The following NPM2 variants were observed in gnomAD, a reference collection of about 807,000 sequenced individuals.
NPM2 encodes the protein nucleophosmin/nucleoplasmin 2.
Under a neutral mutation model 32.0 loss-of-function variants are expected in NPM2, and 25 were observed. The ratio of observed to expected loss-of-function variants is 0.78; its 90% CI spans 0.57 to 1.09. The LOEUF is 1.09. Ranked by LOEUF, NPM2 falls within the 50% of genes least tolerant of loss-of-function variation. The pLI is 0.00. For missense variants in NPM2, 282 were observed against 259.9 expected (o/e 1.08, Z -0.58); for synonymous variants, 111 against 94.2 (o/e 1.18, Z -1.04).
At chr8:22,025,625 C>T in intron 4 of NPM2, 22 bp from the exon 5 acceptor site, 2 of 1,614,138 alleles carry the variant, frequency 1.2e-6, no homozygotes, top group Non-Finnish European at 1.7e-6. Context: ...GATGAGGGGC[C>T]TCTATTTTCA....
chr8:22,030,977 T>A (rs1800420267), intron 5 of NPM2, among the ~76,000 whole-genome samples: 1 of 152,254 alleles, frequency 6.6e-6, no homozygotes, highest in Non-Finnish European at 1.5e-5. Context: ...TGAGCTCATC[T>A]TTAGTTTATT....
At chr8:22,027,962 GC>G (rs1350943608) in intron 5 of NPM2, among the ~76,000 whole-genome samples, 1 of 151,966 alleles carries the variant, frequency 6.6e-6, no homozygotes, top group Non-Finnish European at 1.5e-5. Flanking sequence ...TGTTGTCTCT[GC>G]CCCCATCTTA....
chr8:22,036,588 C>T, intron 9 of NPM2, 50 bp from the exon 10 acceptor site: 1 of 1,559,870 alleles, frequency 6.4e-7, no homozygotes, highest in Non-Finnish European at 8.7e-7. Context: ...AGGGGGCTGC[C>T]TGGTATGGAG....
intron 5 of NPM2, among the ~76,000 whole-genome samples, chr8:22,031,706 A>G (rs985751795): frequency 1.3e-5 from 2 of 152,180 alleles, no homozygotes; most frequent in Admixed American, 6.5e-5. Context: ...TTGGCCTCCC[A>G]AAGTGCTTGG....
Position 22,036,851 on chromosome 8 carries a change from A to T in NPM2, c.*169A>T. 1.6e-6 allele frequency: 1 copy of T among 643,628 alleles called. No individual in the cohort carries two copies. Among genetic ancestry groups the T allele is most frequent in the Non-Finnish European group, 2.6e-6 (1 of 390,100 alleles). 39.9% of individuals were successfully genotyped at this position (643,628 alleles called of 1,614,324 possible). A position where few individuals can be genotyped will look rare whatever the true frequency, so the allele number is the denominator to read the frequency against. ...AACTCTCCACTTTCAGGAGGCCCCCAGTGAAGAGCCCCACCTCGGGGTCAC... is the reference window on the plus strand; with the variant it reads ...AACTCTCCACTTTCAGGAGGCCCCCTGTGAAGAGCCCCACCTCGGGGTCAC... On this transcript the variant is annotated 3_prime_UTR_variant, in exon 10 of 10. Transcript: ENST00000518119.
intron 7 of NPM2, 83 bp from the exon 8 acceptor site, chr8:22,034,427 C>A: frequency 2.1e-6 from 3 of 1,418,644 alleles, no homozygotes; most frequent in Non-Finnish European, 3.0e-6. Context: ...AGGAGCTCAG[C>A]GGGGACCTTG....
intron 8 of NPM2, among the ~76,000 whole-genome samples, chr8:22,035,347 C>G (rs1270145248): frequency 6.6e-6 from 1 of 152,172 alleles, no homozygotes; most frequent in African/African-American, 2.4e-5. Flanking sequence ...AATCATGGCT[C>G]ACTGCAGCCT....
Position 22,036,683 on chromosome 8 carries a change from G to C in NPM2, c.*1G>C, listed in dbSNP as rs1174133706. On this transcript the variant is annotated 3_prime_UTR_variant, in exon 10 of 10. Coordinates refer to ENST00000518119, the MANE Select transcript of NPM2 (RefSeq NM_001286680.2). The stretch of plus-strand genomic sequence containing the variant: ...CAAGAAGCCAGGATTCAAGAAATGA[G>C]GAGCCACGCCTTGGGGGGCACGGTG... The C allele has an allele frequency of 6.5e-7, 1 of 1,546,906 alleles. No individual in the cohort carries two copies. Among genetic ancestry groups the C allele is most frequent in the East Asian group, 2.4e-5 (1 of 40,916 alleles).
Position 22,025,425 on chromosome 8 carries a change from C to G in NPM2, c.59-11C>G, listed in dbSNP as rs145049051. On this transcript the variant is annotated splice_polypyrimidine_tract_variant and intron_variant, in intron 3 of 9. Coordinates refer to ENST00000518119, the MANE Select transcript of NPM2 (RefSeq NM_001286680.2). ...TGGAGGGCCCCACTTCCCTCCCTTT[C>G]TCCTCCGCAGGCTGCGAGCTCAGTC... 11 of 1,613,076 alleles carry G rather than the reference C, an allele frequency of 6.8e-6. No individual in the cohort carries two copies. In the Admixed American group the frequency reaches 1.2e-4, roughly 17 times the overall value.
At chr8:22,032,875 G>C (rs1800484646) in intron 5 of NPM2, among the ~76,000 whole-genome samples, 1 of 152,054 alleles carries the variant, frequency 6.6e-6, no homozygotes, top group Admixed American at 6.5e-5. Flanking sequence ...GAGGATGGGG[G>C]GAATGGCCAT....
chr8:22,028,070 G>T (rs1001601738), intron 5 of NPM2, among the ~76,000 whole-genome samples: 1 of 152,090 alleles, frequency 6.6e-6, no homozygotes, highest in African/African-American at 2.4e-5. Context: ...CTTCCACCTG[G>T]TCTACCTACC....
intron 6 of NPM2, 104 bp from the exon 7 acceptor site, chr8:22,034,005 C>A (rs1378211295): frequency 1.3e-6 from 2 of 1,493,776 alleles, no homozygotes; most frequent in Non-Finnish European, 1.8e-6. Context: ...GCTAGGATTC[C>A]TCCAGGGCAG....
At chr8:22,033,520 A>G (rs1800512159) in intron 6 of NPM2, among the ~76,000 whole-genome samples, 1 of 152,186 alleles carries the variant, frequency 6.6e-6, no homozygotes, top group Non-Finnish European at 1.5e-5. Context: ...GCACTAGGGA[A>G]CCACTGTTCA....
At chr8:22,025,577 A>T (rs180812615) in intron 4 of NPM2, 56 bp downstream of exon 4, 2 of 1,613,724 alleles carry the variant, frequency 1.2e-6, no homozygotes, top group African/African-American at 2.7e-5. Context: ...TCTGGTCCCA[A>T]CGGAGGGCTA....
In NPM2 at chr8:22,034,140, G is replaced by A. The variant is rs777907377; in HGVS notation, c.396G>A (p.Glu132=). ...EASDLTWEEE[E]EEEGEEEEEE... ...CAGACCTAACCTGGGAGGAGGAGGA[G>A]GAAGAAGAAGGGGAGGAGGAGGAAG... Residue 132 remains glutamate, a synonymous_variant, in exon 7 of 10, where the codon GAG becomes GAA. Coordinates refer to ENST00000518119, the MANE Select transcript of NPM2 (RefSeq NM_001286680.2). The A allele has an allele frequency of 1.6e-5, 26 of 1,608,330 alleles. No individual in the cohort carries two copies. The highest frequency in any genetic ancestry group is 8.9e-5 in the South Asian group (8 of 89,718).
rs567131422 is a variant in NPM2, at chr8:22,034,675, A to C, written c.566+131A>C. 2.1e-5 allele frequency: 15 copies of C among 728,338 alleles called. No homozygotes were observed. In the East Asian group the frequency reaches 3.6e-4, roughly 17 times the overall value. 45.1% of individuals were successfully genotyped at this position (728,338 alleles called of 1,614,324 possible). A position where few individuals can be genotyped will look rare whatever the true frequency, so the allele number is the denominator to read the frequency against. ...TGTGTCTACCTGCACTCGCAGGCAC[A>C]TGGGTATGGAAGTGCTGAAGGGTGG... On this transcript the variant is annotated intron_variant, in intron 8 of 9. Transcript: ENST00000518119.
chr8:22,025,861 C>T (rs1030481393), intron 5 of NPM2, 89 bp downstream of exon 5: 28 of 1,575,138 alleles, frequency 1.8e-5, no homozygotes, highest in Non-Finnish European at 2.4e-5. Flanking sequence ...TGCATTCACC[C>T]TACAGAAATG....
At chr8:22,025,620 G>T in intron 4 of NPM2, 27 bp from the exon 5 acceptor site, 1 of 1,614,186 alleles carries the variant, frequency 6.2e-7, no homozygotes, top group Non-Finnish European at 8.5e-7. Flanking sequence ...AGGGTGATGA[G>T]GGGCCTCTAT....
Position 22,033,140 on chromosome 8 carries a change from T to C in NPM2, c.281T>C (p.Val94Ala). ...TTCCTCCCCCTGCAGGTCTCCATGG[T>C]AGGAGTGCAGCTTTCTCCCCCAGTT... The part of the protein sequence containing the change: ...QASVLPMVSM[V>A]GVQLSPPVTF... Residue 94 changes from valine (V) to alanine (A), a missense_variant, in exon 6 of 10, where the codon GTA becomes GCA. Val to Ala is a moderately conservative substitution (Grantham distance 64, BLOSUM62 0). Coordinates refer to ENST00000518119, the MANE Select transcript of NPM2 (RefSeq NM_001286680.2). The C allele has an allele frequency of 3.1e-6, 5 of 1,613,806 alleles. No individual in the cohort carries two copies. Among genetic ancestry groups the C allele is most frequent in the Non-Finnish European group, 4.2e-6 (5 of 1,179,794 alleles).
Sources: allele counts gnomAD v4.1 joint callset (sites outside exome capture counted in the v4.1 genomes callset), GRCh38; gene constraint gnomAD v4.1.1; transcripts MANE v1.5; gene names NCBI Gene and HGNC (gene_info 2026-07-23, HGNC 2026-07-21).